Variants in C3orf22 observed in about 807,000 individuals in gnomAD.
C3orf22 encodes the protein chromosome 3 open reading frame 22.
Under a neutral mutation model 10.8 loss-of-function variants are expected in C3orf22, and 7 were observed. The ratio of observed to expected loss-of-function variants is 0.65; its 90% CI spans 0.37 to 1.22. C3orf22 has a LOEUF of 1.22. C3orf22 is among the 50% of genes most tolerant of loss of function. C3orf22 has a pLI of 0.02. For synonymous variants in C3orf22, 79 were observed against 78.9 expected (o/e 1.00, Z 0.00); for missense variants, 173 against 177.0 (o/e 0.98, Z 0.13).
At chr3:126,540,109 C>T (rs1200583625) in intron 4 of C3orf22, among the ~76,000 whole-genome samples, 3 of 151,820 alleles carry the variant, frequency 2.0e-5, no homozygotes, top group East Asian at 1.9e-4. Flanking sequence ...AGGACACACA[C>T]GCATTCCCAC....
intron 1 of C3orf22, among the ~76,000 whole-genome samples, chr3:126,556,863 C>A (rs937136061): frequency 6.8e-6 from 1 of 147,292 alleles, no homozygotes; most frequent in African/African-American, 2.6e-5. Context: ...CACACAGACT[C>A]ACATACACAC....
chr3:126,546,273 C>T (rs182619315), downstream of C3orf22, among the ~76,000 whole-genome samples: 3 of 152,166 alleles, frequency 2.0e-5, no homozygotes, highest in African/African-American at 4.8e-5. Context: ...GGAAGTCGGG[C>T]GATAAATGCT....
chr3:126,553,656 C>A (rs1393823242), intron 1 of C3orf22, among the ~76,000 whole-genome samples: 2 of 152,216 alleles, frequency 1.3e-5, no homozygotes, highest in Non-Finnish European at 2.9e-5. Context: ...TCACGCTTAC[C>A]CCTCCACAGC....
At chr3:126,551,029 T>A (rs78158222) in intron 3 of C3orf22, among the ~76,000 whole-genome samples, 7,609 of 152,340 alleles carry the variant, frequency 0.05, 308 homozygotes, top group African/African-American at 0.11. Context: ...GGGGATCTGA[T>A]GCTCCTGTAG....
intron 1 of C3orf22, among the ~76,000 whole-genome samples, chr3:126,555,894 T>C (rs1937318151): frequency 6.6e-6 from 1 of 152,174 alleles, no homozygotes; most frequent in African/African-American, 2.4e-5. Flanking sequence ...GACAGGGCCA[T>C]GTAGTGTGCC....
At chr3:126,541,077 G>T (rs1301874508) in intron 4 of C3orf22, among the ~76,000 whole-genome samples, 1 of 152,300 alleles carries the variant, frequency 6.6e-6, no homozygotes, top group South Asian at 2.1e-4. Flanking sequence ...CTGAGGCTGC[G>T]AGGGGCTCCG....
At chr3:126,527,018 T>C (rs1177690015) in exon 6 of C3orf22, 1 of 152,238 alleles carries the variant, frequency 6.6e-6, no homozygotes. Context: ...ACATTTTTAA[T>C]ATGAAAACCC....
chr3:126,536,069 AG>A (rs1439633043), intron 4 of C3orf22, among the ~76,000 whole-genome samples: 1 of 152,128 alleles, frequency 6.6e-6, no homozygotes, highest in East Asian at 1.9e-4. Flanking sequence ...GAATGACACA[AG>A]ATACTACCCT....
chr3:126,557,449 G>A (rs1358426009), intron 1 of C3orf22, among the ~76,000 whole-genome samples: 3 of 152,176 alleles, frequency 2.0e-5, no homozygotes, highest in Admixed American at 6.5e-5. Flanking sequence ...CGGTGGGCTC[G>A]GGCAAGACTG....
intron 4 of C3orf22, among the ~76,000 whole-genome samples, chr3:126,534,554 C>T (rs1055094935): frequency 6.6e-6 from 1 of 151,462 alleles, no homozygotes; most frequent in African/African-American, 2.4e-5. Context: ...GACAGCATCC[C>T]TGTCCTCAGC....
At chr3:126,536,422 G>A in intron 4 of C3orf22, 2 of 1,225,578 alleles carry the variant, frequency 1.6e-6, no homozygotes, top group Non-Finnish European at 2.4e-6. Flanking sequence ...CAGCAACAGT[G>A]CAGACCTGCT....
At chr3:126,528,446 G>A (rs1358155221) in intron 5 of C3orf22, among the ~76,000 whole-genome samples, 1 of 152,212 alleles carries the variant, frequency 6.6e-6, no homozygotes, top group East Asian at 1.9e-4. Context: ...GAACCAGGAA[G>A]GGTGGTAGTG....
intron 5 of C3orf22, chr3:126,527,976 T>C (rs1936571519): frequency 6.6e-6 from 1 of 152,050 alleles, no homozygotes; most frequent in Non-Finnish European, 1.5e-5. Flanking sequence ...CAAATCCTTT[T>C]TCTTTCCATT....
chr3:126,540,946 T>G (rs1342154115), intron 4 of C3orf22, among the ~76,000 whole-genome samples: 4 of 152,188 alleles, frequency 2.6e-5, no homozygotes, highest in Non-Finnish European at 5.9e-5. Context: ...TTATGAACTC[T>G]TACACAAAAA....
intron 4 of C3orf22, among the ~76,000 whole-genome samples, chr3:126,530,626 C>T (rs994949715): frequency 6.6e-6 from 1 of 152,260 alleles, no homozygotes; most frequent in Non-Finnish European, 1.5e-5. Context: ...GTGGCACCAG[C>T]GGAGCTCCCC....
At chr3:126,545,049 G>T (rs1048199693), downstream of C3orf22, among the ~76,000 whole-genome samples, 1 of 152,220 alleles carries the variant, frequency 6.6e-6, no homozygotes. Context: ...CAGATCACAG[G>T]CTGACCACCC....
chr3:126,543,946 A>T (rs1937025890), intron 4 of C3orf22, among the ~76,000 whole-genome samples: 1 of 152,198 alleles, frequency 6.6e-6, no homozygotes, highest in Non-Finnish European at 1.5e-5. Flanking sequence ...CTGGAGGGAC[A>T]TACAAAGCCC....
rs569501262 is a variant in C3orf22 at position 126,542,151 on chromosome 3, A to G, written c.286+7386T>C. The G allele has an allele frequency of 6.5e-6, 10 of 1,544,720 alleles. No individual in the cohort carries two copies. In the South Asian group the frequency reaches 1.2e-4, roughly 18 times the overall value. ...TACAGCGCCGCCTTCCAGAGGCGCT[A>G]CGGTGCACGCATCGTTCAGCGCCTG... On this transcript the variant is annotated intron_variant and NMD_transcript_variant, in intron 4 of 5. Coordinates refer to the C3orf22 transcript ENST00000505070.
chr3:126,552,617 G>A (rs1296285896), intron 2 of C3orf22, among the ~76,000 whole-genome samples: 2 of 152,184 alleles, frequency 1.3e-5, no homozygotes, highest in African/African-American at 2.4e-5. Context: ...CACCTCCCTC[G>A]AGCGTGGCTG....
Sources: gnomAD v4.1 joint callset for allele counts (sites outside exome capture counted in the v4.1 genomes callset) on GRCh38, gnomAD v4.1.1 for gene constraint, MANE v1.5 for transcripts, NCBI Gene and HGNC (gene_info 2026-07-23, HGNC 2026-07-21) for gene names.